The following PRMT3 variants were observed in gnomAD, a reference collection of about 807,000 sequenced individuals.
PRMT3 encodes the protein protein arginine methyltransferase 3.
PRMT3 carries 62 observed loss-of-function variants against 71.9 expected under a neutral mutation model. That is an observed-to-expected ratio of 0.86 (90% CI 0.70 to 1.07). The LOEUF is 1.07. Among genes scored for constraint, PRMT3 ranks in the 50% least tolerant of loss-of-function variants. The pLI, the probability that PRMT3 is intolerant of heterozygous loss-of-function variation, is 0.00. For synonymous variants in PRMT3, 213 were observed against 220.4 expected (o/e 0.97, Z 0.30); for missense variants, 663 against 643.0 (o/e 1.03, Z -0.34).
Position 20,465,758 on chromosome 11 carries a change from TTTAA to T in PRMT3, c.1347+1217_1347+1220del, listed in dbSNP as rs1237511698. Among the ~76,000 whole-genome samples, 3 of 152,196 alleles carry T rather than the reference TTTAA, an allele frequency of 2.0e-5. No individual in the cohort carries two copies. The East Asian group carries it at 5.8e-4, about 29-fold the overall frequency. Reference sequence around the variant, plus strand: ...GTGACTTTGGAGCACTCATTATTTATTTAATTAACAAAAAGCAAAATTTGATTCA... The same window carrying T: ...GTGACTTTGGAGCACTCATTATTTATTTAACAAAAAGCAAAATTTGATTCA... On this transcript the variant is annotated intron_variant, in intron 13 of 15. Transcript: ENST00000331079.
At chr11:20,506,492 C>T (rs1006682940) in intron 15 of PRMT3, among the ~76,000 whole-genome samples, 9 of 152,082 alleles carry the variant, frequency 5.9e-5, no homozygotes, top group African/African-American at 2.2e-4. Context: ...AACTGTGAGT[C>T]TCACCTTTTT....
chr11:20,407,821 C>A, intron 8 of PRMT3, 90 bp from the exon 9 acceptor site: 1 of 1,289,670 alleles, frequency 7.8e-7, no homozygotes, highest in Non-Finnish European at 1.1e-6. Flanking sequence ...CTTTTCCTAG[C>A]CAGAAACATC....
chr11:20,481,660 G>A (rs1467153978), intron 13 of PRMT3, among the ~76,000 whole-genome samples: 1 of 152,018 alleles, frequency 6.6e-6, no homozygotes, highest in African/African-American at 2.4e-5. Context: ...CAGAATATGA[G>A]TACTATAAAA....
intron 13 of PRMT3, among the ~76,000 whole-genome samples, chr11:20,481,084 C>T (rs1850920163): frequency 6.6e-6 from 1 of 152,042 alleles, no homozygotes. Flanking sequence ...AAATATGCTG[C>T]TGACACTTTA....
At position 20,407,950 on chromosome 11, in the gene PRMT3, A is replaced by G; in HGVS notation, c.811A>G (p.Met271Val). The G allele has an allele frequency of 3.7e-6, 6 of 1,611,034 alleles. No homozygotes were observed. Among genetic ancestry groups the G allele is most frequent in the South Asian group, 1.1e-5 (1 of 90,990 alleles). Residue 271 changes from methionine to valine, a missense_variant, in exon 9 of 16, where the codon ATG becomes GTG. By Grantham distance (21) the Met-to-Val change is conservative. Transcript: ENST00000331079. ...DVGCGTGILS[M>V]FAAKAGAKKV... ...TGGGTGTGGAACTGGAATTCTCTCT[A>G]TGTTTGCTGCTAAAGCTGGGGCGAA...
chr11:20,470,585 A>G (rs11025574), intron 13 of PRMT3, among the ~76,000 whole-genome samples: 7,022 of 152,228 alleles, frequency 0.046, 276 homozygotes, highest in East Asian at 0.2. Flanking sequence ...TTAGGGCTGC[A>G]TAGTATTCCA....
intron 10 of PRMT3, among the ~76,000 whole-genome samples, chr11:20,433,193 A>G (rs1323023848): frequency 6.6e-6 from 1 of 151,228 alleles, no homozygotes; most frequent in Admixed American, 6.6e-5. Context: ...TTTTTTACTC[A>G]TCTCCCTTCT....
chr11:20,429,034 C>T (rs752099551), intron 10 of PRMT3, among the ~76,000 whole-genome samples: 19 of 152,184 alleles, frequency 1.2e-4, no homozygotes, highest in Non-Finnish European at 2.2e-4. Flanking sequence ...CTTTTATCCT[C>T]TGTATAAGTG....
At chr11:20,478,815 T>A (rs1850859988) in intron 13 of PRMT3, among the ~76,000 whole-genome samples, 1 of 152,204 alleles carries the variant, frequency 6.6e-6, no homozygotes, top group Non-Finnish European at 1.5e-5. Context: ...GTTCTTTAAA[T>A]CTTATAATGC....
At position 20,421,163 on chromosome 11, in the gene PRMT3, G is replaced by A. The variant is rs75094212; in HGVS notation, c.894-5603G>A. ...AAGTGATCCTCCTACCTTGCTTCTCGAGTAGCCGGGACCACAGGCTCACGC... is the reference window on the plus strand; with the variant it reads ...AAGTGATCCTCCTACCTTGCTTCTCAAGTAGCCGGGACCACAGGCTCACGC... On this transcript the variant is annotated intron_variant, in intron 9 of 15. Transcript: ENST00000331079. 2.0e-3 allele frequency among the ~76,000 whole-genome samples: 306 copies of A among 152,148 alleles called. 2 individuals are homozygous for A. Among genetic ancestry groups the A allele is most frequent in the African/African-American group, 6.9e-3 (288 of 41,506 alleles).
chr11:20,445,367 C>T (rs1015793965), intron 10 of PRMT3, among the ~76,000 whole-genome samples: 1 of 152,006 alleles, frequency 6.6e-6, no homozygotes, highest in African/African-American at 2.4e-5. Context: ...CCTTCCTATA[C>T]CCCTACTATT....
At chr11:20,482,087 A>C (rs182214255) in intron 13 of PRMT3, among the ~76,000 whole-genome samples, 1 of 152,150 alleles carries the variant, frequency 6.6e-6, no homozygotes, top group Non-Finnish European at 1.5e-5. Context: ...CAAAATGAGG[A>C]ACCCTGCAGT....
chr11:20,498,340 C>T (rs1851379741), intron 15 of PRMT3, among the ~76,000 whole-genome samples: 1 of 152,090 alleles, frequency 6.6e-6, no homozygotes, highest in Non-Finnish European at 1.5e-5. Flanking sequence ...CCAAAACATG[C>T]CAAACTAACA....
intron 13 of PRMT3, among the ~76,000 whole-genome samples, chr11:20,492,191 T>C (rs1331461777): frequency 1.3e-5 from 2 of 152,018 alleles, no homozygotes; most frequent in Non-Finnish European, 2.9e-5. Context: ...TCAAATATTG[T>C]ATTGTATTGT....
At chr11:20,395,082 C>G (rs984911514) in intron 5 of PRMT3, among the ~76,000 whole-genome samples, 1 of 151,978 alleles carries the variant, frequency 6.6e-6, no homozygotes, top group Non-Finnish European at 1.5e-5. Context: ...TTATTTTTTC[C>G]TTGCCTAAAA....
chr11:20,418,854 A>G (rs756669256), intron 9 of PRMT3, among the ~76,000 whole-genome samples: 3 of 152,232 alleles, frequency 2.0e-5, no homozygotes, highest in Non-Finnish European at 4.4e-5. Context: ...TTTAATATGC[A>G]TAAGTATCCA....
At chr11:20,441,993 A>G (rs1397368278) in intron 10 of PRMT3, among the ~76,000 whole-genome samples, 4 of 152,028 alleles carry the variant, frequency 2.6e-5, no homozygotes, top group African/African-American at 7.2e-5. Context: ...GGGTTTCGCC[A>G]TGTTGGCGGG....
intron 13 of PRMT3, among the ~76,000 whole-genome samples, chr11:20,477,254 C>G (rs994622393): frequency 6.6e-6 from 1 of 152,110 alleles, no homozygotes; most frequent in Non-Finnish European, 1.5e-5. Flanking sequence ...GAGTTGAGAA[C>G]TGGTAGACAC....
At chr11:20,400,370 T>C (rs1205191945) in intron 7 of PRMT3, among the ~76,000 whole-genome samples, 1 of 152,166 alleles carries the variant, frequency 6.6e-6, no homozygotes, top group Non-Finnish European at 1.5e-5. Flanking sequence ...GAAGATACCT[T>C]TTTTGAATTC....
Sources: allele counts gnomAD v4.1 joint callset (sites outside exome capture counted in the v4.1 genomes callset), GRCh38; gene constraint gnomAD v4.1.1; transcripts MANE v1.5; gene names NCBI Gene and HGNC (gene_info 2026-07-23, HGNC 2026-07-21).